The following SIPA1L1 variants were observed in gnomAD, a reference collection of about 807,000 sequenced individuals.
SIPA1L1 encodes signal induced proliferation associated 1 like 1, also known as signal-induced proliferation-associated 1-like protein 1.
Under a neutral mutation model 162.7 loss-of-function variants are expected in SIPA1L1, and 26 were observed. That is an observed-to-expected ratio of 0.16 (90% CI 0.12 to 0.22). The LOEUF (loss-of-function observed/expected upper bound fraction) is 0.22. Among genes scored for constraint, SIPA1L1 ranks in the 10% least tolerant of loss-of-function variants. The pLI is 1.00. For synonymous variants in SIPA1L1, 829 were observed against 837.4 expected, an observed-to-expected ratio of 0.99 and a Z score of 0.17; for missense variants, 1,874 against 2,241.0, an observed-to-expected ratio of 0.84 and a Z score of 3.31.
chr14:71,699,481 G>A (rs1402230845), intron 14 of SIPA1L1, among the ~76,000 whole-genome samples: 1 of 152,204 alleles, frequency 6.6e-6, no homozygotes, highest in African/African-American at 2.4e-5. Flanking sequence ...GGGAATGAGA[G>A]GCAGTTAAGA....
At chr14:71,486,816 A>G (rs1015965732) in intron 2 of SIPA1L1, among the ~76,000 whole-genome samples, 3 of 152,256 alleles carry the variant, frequency 2.0e-5, no homozygotes, top group African/African-American at 4.8e-5. Flanking sequence ...TTTTAAATCT[A>G]TAAATATTAT....
chr14:71,737,602 C>T (rs997652773), intron 22 of SIPA1L1, among the ~76,000 whole-genome samples: 6 of 152,058 alleles, frequency 3.9e-5, no homozygotes, highest in African/African-American at 7.2e-5. Context: ...TCCACTAGCA[C>T]GGCATGATTA....
chr14:71,722,268 A>G (rs374646569), intron 17 of SIPA1L1, among the ~76,000 whole-genome samples: 1 of 152,140 alleles, frequency 6.6e-6, no homozygotes, highest in African/African-American at 2.4e-5. Flanking sequence ...TTGTGTGGAT[A>G]GTTGTTCAAT....
At chr14:71,538,928 A>C (rs1015123266) in intron 4 of SIPA1L1, among the ~76,000 whole-genome samples, 8 of 152,188 alleles carry the variant, frequency 5.3e-5, no homozygotes, top group African/African-American at 1.9e-4. Flanking sequence ...GTGTTTATTA[A>C]ATGTGCACAT....
At chr14:71,603,112 G>A (rs1409675247) in intron 5 of SIPA1L1, among the ~76,000 whole-genome samples, 1 of 152,074 alleles carries the variant, frequency 6.6e-6, no homozygotes, top group African/African-American at 2.4e-5. Context: ...GGCCTTCATT[G>A]TCTCTTACTT....
intron 5 of SIPA1L1, among the ~76,000 whole-genome samples, chr14:71,590,702 A>T (rs950348355): frequency 6.6e-5 from 10 of 152,152 alleles, no homozygotes; most frequent in African/African-American, 2.2e-4. Flanking sequence ...ATCTTCTCAG[A>T]ATAATTTTCT....
At chr14:71,594,585 A>G (rs2035810605) in intron 5 of SIPA1L1, among the ~76,000 whole-genome samples, 1 of 152,226 alleles carries the variant, frequency 6.6e-6, no homozygotes, top group African/African-American at 2.4e-5. Flanking sequence ...GGTAAACTCC[A>G]AGGTCAATGA....
At chr14:71,673,953 G>T (rs1437875501) in intron 12 of SIPA1L1, among the ~76,000 whole-genome samples, 1 of 152,180 alleles carries the variant, frequency 6.6e-6, no homozygotes, top group Admixed American at 6.5e-5. Context: ...ATGTGAGGTG[G>T]CTCAGAAAGG....
chr14:71,707,302 C>T (rs1030204512), intron 16 of SIPA1L1, among the ~76,000 whole-genome samples: 2 of 152,190 alleles, frequency 1.3e-5, no homozygotes, highest in African/African-American at 4.8e-5. Flanking sequence ...TCTAAGCCAG[C>T]ATATGGAAAG....
rs768232400 is a variant in SIPA1L1 at position 71,730,062 on chromosome 14, C to T, written c.4622C>T (p.Ala1541Val). ...CTTGATCCTGTTTTTCAGTTCCACG[C>T]ACTCTCCTCTCCTCAGTCTCCTTTC... ...PESQKSFKFH[A>V]LSSPQSPFPS... The change falls in exon 20 of 24, where the codon GCA becomes GTA. Residue 1541 changes from alanine (A) to valine (V), a missense_variant. Coordinates refer to ENST00000381232, the MANE Select transcript of SIPA1L1 (RefSeq NM_001386936.1). The T allele has an allele frequency of 2.5e-6, 4 of 1,613,818 alleles. No individual in the cohort carries two copies. The highest frequency in any genetic ancestry group is 1.7e-4 in the Middle Eastern group (1 of 6,056).
chr14:71,476,602 T>G (rs567580961), intron 2 of SIPA1L1, among the ~76,000 whole-genome samples: 32 of 152,124 alleles, frequency 2.1e-4, no homozygotes, highest in Non-Finnish European at 3.7e-4. Flanking sequence ...TTATGTTTTT[T>G]TAAAACTTTT....
chr14:71,497,681 C>T (rs1251869573), intron 2 of SIPA1L1, among the ~76,000 whole-genome samples: 1 of 152,198 alleles, frequency 6.6e-6, no homozygotes, highest in Non-Finnish European at 1.5e-5. Flanking sequence ...TTGCATGTAT[C>T]AGTAGTTGCT....
intron 13 of SIPA1L1, among the ~76,000 whole-genome samples, chr14:71,693,288 C>T (rs2081378043): frequency 6.6e-6 from 1 of 152,148 alleles, no homozygotes; most frequent in African/African-American, 2.4e-5. Context: ...AAGTGGATCA[C>T]CTGAGGTCAG....
intron 7 of SIPA1L1, among the ~76,000 whole-genome samples, chr14:71,636,022 A>G (rs1487287423): frequency 1.3e-5 from 2 of 152,196 alleles, no homozygotes; most frequent in African/African-American, 4.8e-5. Flanking sequence ...CAGCAATCCT[A>G]GGTATATGTG....
chr14:71,543,720 T>C (rs1489318090), intron 4 of SIPA1L1, among the ~76,000 whole-genome samples: 3 of 150,558 alleles, frequency 2.0e-5, no homozygotes, highest in African/African-American at 7.3e-5. Context: ...TTTTTTGCAG[T>C]GTCTTTTGCA....
chr14:71,689,927 A>C (rs899026779), intron 13 of SIPA1L1, among the ~76,000 whole-genome samples: 1 of 152,244 alleles, frequency 6.6e-6, no homozygotes, highest in Non-Finnish European at 1.5e-5. Flanking sequence ...CTCAGAGAGC[A>C]TAATAGTCAC....
At chr14:71,485,618 C>T (rs191315902) in intron 2 of SIPA1L1, among the ~76,000 whole-genome samples, 1 of 151,902 alleles carries the variant, frequency 6.6e-6, no homozygotes, top group Admixed American at 6.6e-5. Context: ...CCCACTGACT[C>T]TACATTGTGG....
intron 5 of SIPA1L1, chr14:71,598,151 T>G: frequency 1.1e-6 from 1 of 929,766 alleles, no homozygotes; most frequent in Non-Finnish European, 1.3e-6. Context: ...TACAGACAGG[T>G]CTGTGTGTGG....
chr14:71,549,337 G>A (rs985490737), intron 4 of SIPA1L1, among the ~76,000 whole-genome samples: 22 of 150,764 alleles, frequency 1.5e-4, no homozygotes, highest in Admixed American at 4.6e-4. Context: ...TTTAAATGCC[G>A]AGATTTCTTG....
Sources: allele counts gnomAD v4.1 joint callset (sites outside exome capture counted in the v4.1 genomes callset), GRCh38; gene constraint gnomAD v4.1.1; transcripts MANE v1.5; gene names NCBI Gene and HGNC (gene_info 2026-07-23, HGNC 2026-07-21).